Variants in SKAP2 observed in about 807,000 individuals in gnomAD.
SKAP2 encodes the protein src kinase associated phosphoprotein 2, also known as src kinase-associated phosphoprotein 2.
A neutral mutation model predicts 54.9 loss-of-function variants in SKAP2; 28 were observed. The ratio of observed to expected loss-of-function variants is 0.51; its 90% confidence interval spans 0.38 to 0.70. SKAP2 has a LOEUF of 0.70. Among genes scored for constraint, SKAP2 ranks in the 30% least tolerant of loss-of-function variants. The probability of loss-of-function intolerance (pLI) is 0.00; values close to 1 mark genes in which losing one functional copy is unlikely to be tolerated. For missense variants in SKAP2, 356 were observed against 424.1 expected (o/e 0.84, Z 1.41); for synonymous variants, 137 against 134.3 (o/e 1.02, Z -0.14).
intron 4 of SKAP2, among the ~76,000 whole-genome samples, chr7:26,841,912 G>A (rs929943972): frequency 2.6e-5 from 4 of 151,782 alleles, no homozygotes; most frequent in African/African-American, 7.3e-5. Flanking sequence ...GTGCTAATTC[G>A]GTTATGCTTA....
intron 4 of SKAP2, among the ~76,000 whole-genome samples, chr7:26,755,396 T>C (rs544867269): frequency 6.6e-6 from 1 of 152,234 alleles, no homozygotes; most frequent in African/African-American, 2.4e-5. Context: ...TGATGACTTA[T>C]TCAAGGTGTA....
chr7:26,697,978 T>C (rs931177746), intron 9 of SKAP2, among the ~76,000 whole-genome samples: 1 of 152,226 alleles, frequency 6.6e-6, no homozygotes, highest in African/African-American at 2.4e-5. Flanking sequence ...TAGATTTTTT[T>C]GGCTTGCTTT....
the SKAP2 span, among the ~76,000 whole-genome samples, chr7:26,661,504 G>C: frequency 5.9e-5 from 9 of 152,124 alleles, no homozygotes; most frequent in Admixed American, 5.9e-4. Context: ...ACTATTATTA[G>C]CAGATTGGTG....
intron 4 of SKAP2, among the ~76,000 whole-genome samples, chr7:26,749,668 G>A (rs1343609544): frequency 6.6e-6 from 1 of 151,542 alleles, no homozygotes; most frequent in East Asian, 1.9e-4. Flanking sequence ...TTTGAGTCCA[G>A]GAGTTCAAGG....
At chr7:26,703,070 C>T (rs1428074527) in intron 9 of SKAP2, among the ~76,000 whole-genome samples, 1 of 152,220 alleles carries the variant, frequency 6.6e-6, no homozygotes, top group African/African-American at 2.4e-5. Context: ...GTTTCCAGCC[C>T]ATGCTGCTGG....
At chr7:26,814,075 T>A (rs879895127) in intron 4 of SKAP2, among the ~76,000 whole-genome samples, 1 of 152,174 alleles carries the variant, frequency 6.6e-6, no homozygotes, top group Non-Finnish European at 1.5e-5. Flanking sequence ...ACGATGCTAC[T>A]CTATAAATAT....
At chr7:26,748,991 G>A (rs79117265) in intron 4 of SKAP2, among the ~76,000 whole-genome samples, 8,064 of 152,128 alleles carry the variant, frequency 0.053, 721 homozygotes, top group African/African-American at 0.18. Flanking sequence ...GAGCTATGGT[G>A]GGGATGTAGT....
chr7:26,704,005 A>G (rs1787105395), intron 9 of SKAP2, among the ~76,000 whole-genome samples: 1 of 152,264 alleles, frequency 6.6e-6, no homozygotes, highest in South Asian at 2.1e-4. Flanking sequence ...TTAATTAAAC[A>G]GCATTTTAAC....
intron 4 of SKAP2, among the ~76,000 whole-genome samples, chr7:26,826,340 G>A (rs900521990): frequency 6.6e-6 from 1 of 152,186 alleles, no homozygotes; most frequent in African/African-American, 2.4e-5. Context: ...AAAGCAGTAT[G>A]TGAGTGGGAA....
chr7:26,785,958 G>A (rs1392685625), intron 4 of SKAP2, among the ~76,000 whole-genome samples: 1 of 152,170 alleles, frequency 6.6e-6, no homozygotes, highest in Admixed American at 6.5e-5. Context: ...CAGGGACCCT[G>A]GGAACTGGAA....
chr7:26,768,249 T>C (rs1783104652), intron 4 of SKAP2, among the ~76,000 whole-genome samples: 1 of 151,880 alleles, frequency 6.6e-6, no homozygotes, highest in African/African-American at 2.4e-5. Context: ...ATTTAATGTC[T>C]GTATTATCAG....
rs1419416545 is a variant in SKAP2, at chr7:26,759,180, G to A, written c.308-19216C>T. ...TACTATAAACTTCTAAAATCCTGAA[G>A]TTTTAATAGATATACTGACACAACC... On this transcript the variant is annotated intron_variant, in intron 4 of 12. Transcript: ENST00000345317. Among the ~76,000 whole-genome samples, 7 of 152,150 alleles carry A rather than the reference G, an allele frequency of 4.6e-5. No homozygotes were observed. The South Asian group carries it at 6.2e-4, about 14-fold the overall frequency.
chr7:26,735,612 G>T (rs1471023279), intron 6 of SKAP2, among the ~76,000 whole-genome samples: 1 of 152,138 alleles, frequency 6.6e-6, no homozygotes, highest in Non-Finnish European at 1.5e-5. Context: ...AGTAAGTGGT[G>T]TCAACTCCTT....
intron 3 of SKAP2, among the ~76,000 whole-genome samples, chr7:26,850,542 C>T (rs1785017725): frequency 6.6e-6 from 1 of 150,586 alleles, no homozygotes; most frequent in Non-Finnish European, 1.5e-5. Flanking sequence ...GTCATGATCA[C>T]ACCACTCCAC....
chr7:26,822,965 G>C (rs552350258), intron 4 of SKAP2, among the ~76,000 whole-genome samples: 4 of 152,166 alleles, frequency 2.6e-5, no homozygotes, highest in Admixed American at 6.5e-5. Context: ...TAAATCAAAA[G>C]GTACAAAAGG....
chr7:26,754,548 C>T (rs542898483), intron 4 of SKAP2, among the ~76,000 whole-genome samples: 2 of 152,318 alleles, frequency 1.3e-5, no homozygotes, highest in African/African-American at 4.8e-5. Context: ...CGTACATGGT[C>T]TCTTTTTCTC....
rs1412047715 is a variant in SKAP2 at position 26,854,799 on chromosome 7, T to C, written c.159A>G (p.Lys53=). 6 of 1,599,000 alleles carry C rather than the reference T, an allele frequency of 3.8e-6. No individual in the cohort carries two copies. The highest frequency in any genetic ancestry group is 5.1e-6 in the Non-Finnish European group (6 of 1,169,866). The change falls in exon 2 of 13, where the codon AAA becomes AAG. Residue 53 remains lysine (K), a synonymous_variant. Coordinates refer to ENST00000345317, the MANE Select transcript of SKAP2 (RefSeq NM_003930.5). ...EKRESLIKKI[K]DVKSIYLQEF... is the part of the protein sequence containing the mutation. ...AAGTGACTTACATAGACTTTACATCTTTTATCTTCTTAATAAGGGATTCTC... is the reference window on the plus strand; with the variant it reads ...AAGTGACTTACATAGACTTTACATCCTTTATCTTCTTAATAAGGGATTCTC...
intron 11 of SKAP2, among the ~76,000 whole-genome samples, chr7:26,673,072 A>C (rs886842647): frequency 9.2e-5 from 14 of 152,094 alleles, no homozygotes; most frequent in Non-Finnish European, 1.9e-4. Context: ...ATAAAGTCAC[A>C]AGTGGATCAT....
intron 11 of SKAP2, among the ~76,000 whole-genome samples, chr7:26,672,928 C>A (rs1786273603): frequency 1.3e-5 from 2 of 151,952 alleles, no homozygotes; most frequent in South Asian, 4.1e-4. Flanking sequence ...AAAAGAAAAT[C>A]TGCCTGTCTA....
Sources: gnomAD v4.1 joint callset for allele counts (sites outside exome capture counted in the v4.1 genomes callset) on GRCh38, gnomAD v4.1.1 for gene constraint, MANE v1.5 for transcripts, NCBI Gene and HGNC (gene_info 2026-07-23, HGNC 2026-07-21) for gene names.